CD200: variants seen among roughly 807,000 people sequenced by gnomAD.
The protein encoded by CD200 is OX-2 membrane glycoprotein.
In CD200, 15 loss-of-function variants were observed where a neutral mutation model predicts 30.9. The ratio of observed to expected loss-of-function variants is 0.49; its 90% CI spans 0.32 to 0.75. The LOEUF is 0.75. CD200 is among the 30% of genes least tolerant of loss of function. The pLI, the probability that CD200 is intolerant of heterozygous loss-of-function variation, is 0.03. For synonymous variants in CD200, 134 were observed against 126.2 expected (o/e 1.06, Z -0.41); for missense variants, 262 against 324.2 (o/e 0.81, Z 1.47).
chr3:112,336,176 G>A (rs62264124), intron 1 of CD200, among the ~76,000 whole-genome samples: 34,089 of 151,958 alleles, frequency 0.22, 4,172 homozygotes, highest in East Asian at 0.5. Context: ...AGTTTAGGTC[G>A]TGGCTGTTTC....
intron 2 of CD200, among the ~76,000 whole-genome samples, chr3:112,343,702 T>G (rs1336107767): frequency 2.0e-5 from 3 of 152,230 alleles, no homozygotes; most frequent in African/African-American, 7.2e-5. Context: ...AATTTTTTCT[T>G]TGTAATTCTA....
At chr3:112,361,422 A>G in intron 5 of CD200, 121 bp from the exon 6 acceptor site, 4 of 836,032 alleles carry the variant, frequency 4.8e-6, no homozygotes, top group Non-Finnish European at 8.2e-6. Context: ...TATCTTTGCC[A>G]ATGAATATAC....
chr3:112,353,455 A>G (rs560503762), intron 5 of CD200, among the ~76,000 whole-genome samples: 1 of 152,250 alleles, frequency 6.6e-6, no homozygotes, highest in Non-Finnish European at 1.5e-5. Context: ...CATCTGCATG[A>G]GCTGTATATT....
chr3:112,343,989 T>G (rs148185121), intron 2 of CD200, among the ~76,000 whole-genome samples: 1 of 152,202 alleles, frequency 6.6e-6, no homozygotes, highest in Non-Finnish European at 1.5e-5. Context: ...TCATGGCCTG[T>G]TCTTACTTTT....
chr3:112,342,257 T>C (rs1036072182), intron 2 of CD200, among the ~76,000 whole-genome samples: 2 of 149,432 alleles, frequency 1.3e-5, no homozygotes, highest in Non-Finnish European at 3.0e-5. Context: ...GAATTAAATG[T>C]TTCTCTGAGA....
At chr3:112,350,850 G>A (rs2081516761) in intron 5 of CD200, among the ~76,000 whole-genome samples, 1 of 152,032 alleles carries the variant, frequency 6.6e-6, no homozygotes, top group South Asian at 2.1e-4. Flanking sequence ...TTTTGTTCAT[G>A]TTTCAAGTTT....
intron 1 of CD200, chr3:112,334,352 G>T: frequency 1.7e-6 from 1 of 579,144 alleles, no homozygotes; most frequent in Non-Finnish European, 2.2e-6. Context: ...AGGGTTATAA[G>T]TGGGCTTCTT....
intron 2 of CD200, among the ~76,000 whole-genome samples, chr3:112,343,162 G>C (rs1205798417): frequency 6.6e-6 from 1 of 151,876 alleles, no homozygotes; most frequent in Non-Finnish European, 1.5e-5. Flanking sequence ...GCTAATATTG[G>C]AGAAGGGAAG....
intron 5 of CD200, among the ~76,000 whole-genome samples, chr3:112,357,888 T>C (rs1203083590): frequency 1.3e-5 from 2 of 152,188 alleles, no homozygotes; most frequent in Admixed American, 1.3e-4. Flanking sequence ...AAAACATTTC[T>C]AATATTAAAC....
upstream of CD200, chr3:112,333,117 C>A (rs2081031385): frequency 5.3e-6 from 8 of 1,523,044 alleles, no homozygotes; most frequent in Non-Finnish European, 6.2e-6. Context: ...GCGGGAGGTG[C>A]GGCAGGGGCA....
At chr3:112,335,970 C>T (rs1223921537) in intron 1 of CD200, 3 of 1,612,718 alleles carry the variant, frequency 1.9e-6, no homozygotes, top group Admixed American at 3.3e-5. Context: ...TGGGGGCCCT[C>T]TCCTTACAGC....
intron 5 of CD200, among the ~76,000 whole-genome samples, chr3:112,361,179 G>A (rs2081733606): frequency 6.6e-6 from 1 of 151,726 alleles, no homozygotes; most frequent in Non-Finnish European, 1.5e-5. Flanking sequence ...TGGGACTACA[G>A]GTGCATGCCA....
chr3:112,358,418 C>A (rs112319710), intron 5 of CD200, among the ~76,000 whole-genome samples: 2,649 of 152,138 alleles, frequency 0.017, 75 homozygotes, highest in African/African-American at 0.06. Flanking sequence ...TAAAAACGTG[C>A]GTATACTGAA....
intron 2 of CD200, 88 bp downstream of exon 2, chr3:112,341,071 G>A: frequency 2.5e-6 from 2 of 801,382 alleles, no homozygotes; most frequent in African/African-American, 3.4e-5. Flanking sequence ...GTGCTGTGCT[G>A]GTTCCATTTG....
At chr3:112,346,843 G>C (rs761479137) in intron 3 of CD200, among the ~76,000 whole-genome samples, 6 of 152,154 alleles carry the variant, frequency 3.9e-5, no homozygotes, top group Non-Finnish European at 5.9e-5. Context: ...TTTCAAAAGG[G>C]TACAGGCTAC....
chr3:112,342,333 CTTTCCTT>C lies in CD200; in HGVS notation c.94+1351_94+1357del, dbSNP rs1412783037. The stretch of plus-strand genomic sequence containing the variant: ...TTCTTCTTTCTTTCTTTCTTTCTTT[CTTTCCTT>C]CTTTCTTTCTTTCTTTCTTTCTTTC... On this transcript the variant is annotated intron_variant, in intron 2 of 5. Transcript: ENST00000315711. Among the ~76,000 whole-genome samples the C allele has an allele frequency of 8.2e-3, 172 of 21,020 alleles. 33 individuals carry two copies. The highest frequency in any genetic ancestry group is 0.021 in the East Asian group (17 of 818). 13.8% of individuals were successfully genotyped at this position (21,020 alleles called of 152,430 possible).
chr3:112,351,423 G>A (rs557881084), intron 5 of CD200, among the ~76,000 whole-genome samples: 1 of 152,172 alleles, frequency 6.6e-6, no homozygotes, highest in Non-Finnish European at 1.5e-5. Context: ...CAAGCCTGAG[G>A]TAAATTCTAC....
chr3:112,350,914 A>T (rs1410392775), intron 5 of CD200, among the ~76,000 whole-genome samples: 2 of 152,216 alleles, frequency 1.3e-5, no homozygotes, highest in East Asian at 3.8e-4. Flanking sequence ...AATTTATAAA[A>T]CACCCAAAAA....
At chr3:112,345,365 C>T (rs2081360788) in intron 3 of CD200, 77 bp downstream of exon 3, 1 of 1,169,742 alleles carries the variant, frequency 8.5e-7, no homozygotes, top group South Asian at 1.4e-5. Context: ...CCGTAGTGCC[C>T]AGTTTTTCAG....
Sources: gnomAD v4.1 joint callset for allele counts (sites outside exome capture counted in the v4.1 genomes callset) on GRCh38, gnomAD v4.1.1 for gene constraint, MANE v1.5 for transcripts, NCBI Gene and HGNC (gene_info 2026-07-23, HGNC 2026-07-21) for gene names.